Variants in EPHB1 observed in about 807,000 individuals in gnomAD.
The protein encoded by EPHB1 is EPH receptor B1, also known as ephrin type-B receptor 1.
In EPHB1, 30 loss-of-function variants were observed where a neutral mutation model predicts 94.4. The ratio of observed to expected loss-of-function variants is 0.32; its 90% CI spans 0.24 to 0.43. The LOEUF (loss-of-function observed/expected upper bound fraction) is 0.43, where lower values mean the gene tolerates loss of function less well. Ranked by LOEUF, EPHB1 falls within the 20% of genes least tolerant of loss-of-function variation. EPHB1 has a pLI of 1.00. For synonymous variants in EPHB1, 522 were observed against 489.1 expected (o/e 1.07, Z -0.89); for missense variants, 1,055 against 1,308.3 (o/e 0.81, Z 2.99).
intron 4 of EPHB1, among the ~76,000 whole-genome samples, chr3:135,121,994 C>T (rs894528088): frequency 8.5e-5 from 13 of 152,104 alleles, no homozygotes; most frequent in Admixed American, 1.3e-4. Flanking sequence ...GGCAGTGTTC[C>T]CTCCAAGTTC....
At chr3:135,033,335 C>T (rs1230926731) in intron 3 of EPHB1, among the ~76,000 whole-genome samples, 2 of 152,108 alleles carry the variant, frequency 1.3e-5, no homozygotes, top group African/African-American at 4.8e-5. Context: ...AAGGTCAGCT[C>T]CTCTTGGGGG....
rs78386920 is a variant in EPHB1, at chr3:134,885,869, G to A, written c.59-39947G>A. 4.1e-4 allele frequency among the ~76,000 whole-genome samples: 63 copies of A among 152,252 alleles called. 1 individual carries two copies. The South Asian group carries it at 0.011, about 26-fold the overall frequency. ...ATGAGTGGCATCTACAGTGTGGTGC[G>A]TGTGAGCCTGAAGATGGGCAGCATG... On this transcript the variant is annotated intron_variant, in intron 1 of 15. Coordinates refer to ENST00000398015, the MANE Select transcript of EPHB1 (RefSeq NM_004441.5).
chr3:135,142,578 T>C (rs1001713216), intron 5 of EPHB1, among the ~76,000 whole-genome samples: 2 of 151,734 alleles, frequency 1.3e-5, no homozygotes, highest in East Asian at 3.9e-4. Context: ...AGGCCAAGAG[T>C]GCCAGATGAA....
chr3:135,100,927 G>A (rs575588806), intron 3 of EPHB1, among the ~76,000 whole-genome samples: 15 of 152,216 alleles, frequency 9.9e-5, no homozygotes, highest in Admixed American at 6.5e-4. Flanking sequence ...TCTGAAGTTG[G>A]GGGTGGGGAA....
At chr3:135,113,778 C>A (rs11926248) in intron 4 of EPHB1, among the ~76,000 whole-genome samples, 1 of 152,214 alleles carries the variant, frequency 6.6e-6, no homozygotes, top group Non-Finnish European at 1.5e-5. Flanking sequence ...CTCCTTGAGG[C>A]TAAACACTTG....
rs375095666 is a variant in EPHB1 at position 135,192,840 on chromosome 3, G to A, written c.2130+17G>A. ...TTCCTCAGGGTAAGAGCAACTCAGG[G>A]GTTTGATGATGCACTTGGATGCAGG... On this transcript the variant is annotated intron_variant, in intron 11 of 15. Coordinates refer to ENST00000398015, the MANE Select transcript of EPHB1 (RefSeq NM_004441.5). The A allele has an allele frequency of 3.5e-5, 56 of 1,608,526 alleles. 1 individual carries two copies. The highest frequency in any genetic ancestry group is 8.5e-7 in the Non-Finnish European group (1 of 1,175,528).
intron 1 of EPHB1, among the ~76,000 whole-genome samples, chr3:134,827,446 C>T (rs954173613): frequency 3.3e-5 from 5 of 152,218 alleles, no homozygotes; most frequent in South Asian, 2.1e-4. Context: ...GTACTAGTTT[C>T]GGGCATGACT....
intron 3 of EPHB1, 30 bp downstream of exon 3, chr3:134,952,082 A>G (rs745877265): frequency 2.6e-6 from 4 of 1,561,880 alleles, no homozygotes; most frequent in Non-Finnish European, 1.7e-6. Flanking sequence ...CTTCCTGCCC[A>G]TCTATGGCAG....
chr3:135,150,750 A>G (rs1410210782), intron 5 of EPHB1, among the ~76,000 whole-genome samples: 1 of 152,094 alleles, frequency 6.6e-6, no homozygotes, highest in Non-Finnish European at 1.5e-5. Context: ...TGATCTCTGC[A>G]AGTTCCACTT....
chr3:134,797,639 C>T (rs567180992), intron 1 of EPHB1, among the ~76,000 whole-genome samples: 18 of 152,168 alleles, frequency 1.2e-4, no homozygotes, highest in Non-Finnish European at 2.1e-4. Flanking sequence ...CTCCCTGCCC[C>T]TCTTCTTGGC....
chr3:135,139,417 A>C (rs13099764), intron 5 of EPHB1, among the ~76,000 whole-genome samples: 1,650 of 152,344 alleles, frequency 0.011, 26 homozygotes, highest in African/African-American at 0.037. Context: ...ATGACTGCTC[A>C]CCAAGTACTG....
intron 3 of EPHB1, among the ~76,000 whole-genome samples, chr3:135,039,794 TC>T (rs1034909294): frequency 1.3e-5 from 2 of 152,198 alleles, no homozygotes; most frequent in African/African-American, 4.8e-5. Flanking sequence ...CAGCCCCGGT[TC>T]CCGCTCGTGC....
intron 3 of EPHB1, among the ~76,000 whole-genome samples, chr3:135,073,644 T>G (rs1451779835): frequency 6.6e-6 from 1 of 152,234 alleles, no homozygotes; most frequent in East Asian, 1.9e-4. Context: ...TGTTCAAAAT[T>G]TCCTGAATGT....
At chr3:135,048,771 G>T (rs1047408083) in intron 3 of EPHB1, among the ~76,000 whole-genome samples, 2 of 152,182 alleles carry the variant, frequency 1.3e-5, no homozygotes. Context: ...TTTGCTAAAG[G>T]GCCACTGTGT....
At chr3:134,801,606 G>C (rs1278919942) in intron 1 of EPHB1, among the ~76,000 whole-genome samples, 1 of 152,230 alleles carries the variant, frequency 6.6e-6, no homozygotes, top group Non-Finnish European at 1.5e-5. Context: ...TGGAGAAACA[G>C]AGCATTCGAT....
At chr3:135,249,532 G>C in intron 15 of EPHB1, 41 bp downstream of exon 15, 1 of 1,588,046 alleles carries the variant, frequency 6.3e-7, no homozygotes, top group Non-Finnish European at 8.6e-7. Flanking sequence ...ACACCTAGGG[G>C]TCAGTGCTCC....
At chr3:134,881,953 AAAAC>A (rs1391118619) in intron 1 of EPHB1, among the ~76,000 whole-genome samples, 5 of 152,238 alleles carry the variant, frequency 3.3e-5, no homozygotes, top group African/African-American at 7.2e-5. Flanking sequence ...TTTATTGCAA[AAAAC>A]AAACAAAAAA....
At chr3:135,076,257 AT>A (rs1559820159) in intron 3 of EPHB1, among the ~76,000 whole-genome samples, 3 of 92,576 alleles carry the variant, frequency 3.2e-5, no homozygotes, top group African/African-American at 1.1e-4. Context: ...ATATATATAT[AT>A]ATAACTCTTA....
At chr3:135,244,120 C>G (rs1341473926) in intron 13 of EPHB1, among the ~76,000 whole-genome samples, 1 of 152,212 alleles carries the variant, frequency 6.6e-6, no homozygotes, top group Non-Finnish European at 1.5e-5. Context: ...TCACTCCACC[C>G]AGTCCCAGAG....
Sources: gnomAD v4.1 joint callset for allele counts (sites outside exome capture counted in the v4.1 genomes callset) on GRCh38, gnomAD v4.1.1 for gene constraint, MANE v1.5 for transcripts, NCBI Gene and HGNC (gene_info 2026-07-23, HGNC 2026-07-21) for gene names.